VPS13D: variants seen among roughly 807,000 people sequenced by gnomAD.
VPS13D encodes vacuolar protein sorting 13 homolog D.
VPS13D carries 187 observed loss-of-function variants against 461.9 expected under a neutral mutation model. The observed-to-expected ratio is 0.40, with a 90% CI of 0.36 to 0.46. The LOEUF (loss-of-function observed/expected upper bound fraction) is 0.46, where lower values mean the gene tolerates loss of function less well. Among genes scored for constraint, VPS13D ranks in the 20% least tolerant of loss-of-function variants. VPS13D has a pLI of 0.60. For missense variants in VPS13D, 4,711 were observed against 5,364.9 expected (o/e 0.88, Z 3.81); for synonymous variants, 1,951 against 1,986.3 (o/e 0.98, Z 0.47).
At chr1:12,487,610 C>CA (rs765536608) in intron 67 of VPS13D, among the ~76,000 whole-genome samples, 1,669 of 89,656 alleles carry the variant, frequency 0.019, 27 homozygotes, top group African/African-American at 0.055. Flanking sequence ...GATTCCATCT[C>CA]AAAAAAAAAA....
chr1:12,343,058 T>C lies in VPS13D; in HGVS notation c.8885+7T>C, dbSNP rs1432937447. ...GAGGAAAGTTAAGACACAGGTAAAG[T>C]ATGGTTTATTCTTTTCTTTAAAAAA... On this transcript the variant is annotated splice_region_variant and intron_variant, in intron 42 of 69. Coordinates refer to ENST00000620676, the MANE Select transcript of VPS13D (RefSeq NM_015378.4). 3 of 1,606,646 alleles carry C rather than the reference T, an allele frequency of 1.9e-6. 1 individual carries two copies. Among genetic ancestry groups the C allele is most frequent in the Non-Finnish European group, 1.7e-6 (2 of 1,174,668 alleles).
At chr1:12,382,952 T>C in intron 57 of VPS13D, 24 bp from the exon 58 acceptor site, 1 of 1,595,138 alleles carries the variant, frequency 6.3e-7, no homozygotes, top group East Asian at 2.2e-5. Context: ...TTTTCTCACA[T>C]GTCTCTACTC....
chr1:12,457,866 G>C (rs1240138587), intron 66 of VPS13D, among the ~76,000 whole-genome samples: 1 of 152,216 alleles, frequency 6.6e-6, no homozygotes, highest in East Asian at 1.9e-4. Context: ...AAAGTTGACT[G>C]TTGGGCAATC....
chr1:12,272,867 T>C (rs1641494002), intron 17 of VPS13D, 136 bp from the exon 18 acceptor site: 1 of 1,261,926 alleles, frequency 7.9e-7, no homozygotes. Context: ...ACTTTTGTCT[T>C]AGACTTTTTG....
At chr1:12,427,695 G>A (rs1206574307) in intron 65 of VPS13D, among the ~76,000 whole-genome samples, 4 of 152,160 alleles carry the variant, frequency 2.6e-5, no homozygotes, top group Non-Finnish European at 4.4e-5. Flanking sequence ...GGACTTCAGC[G>A]TCTGTGGATG....
At chr1:12,453,602 T>C (rs939976195) in intron 65 of VPS13D, among the ~76,000 whole-genome samples, 6 of 152,178 alleles carry the variant, frequency 3.9e-5, no homozygotes, top group Non-Finnish European at 8.8e-5. Context: ...ATTCTAAACA[T>C]AGCAGGCACT....
At chr1:12,307,240 AT>A (rs1428885029) in intron 26 of VPS13D, among the ~76,000 whole-genome samples, 1 of 152,242 alleles carries the variant, frequency 6.6e-6, no homozygotes, top group Admixed American at 6.5e-5. Context: ...GCATTTAAAT[AT>A]TGATAGATTA....
chr1:12,390,036 C>G (rs906498251), intron 60 of VPS13D, among the ~76,000 whole-genome samples: 18 of 152,224 alleles, frequency 1.2e-4, no homozygotes, highest in African/African-American at 4.3e-4. Context: ...CCAAAGTGTC[C>G]AGGTGGTAAT....
intron 50 of VPS13D, among the ~76,000 whole-genome samples, chr1:12,360,250 C>T (rs779720927): frequency 1.6e-4 from 24 of 152,238 alleles, no homozygotes; most frequent in Non-Finnish European, 2.5e-4. Context: ...GAACTTTTGC[C>T]GTATATTCCC....
rs368047009 is a variant in VPS13D at position 12,256,260 on chromosome 1, C to T, written c.670-73C>T. On this transcript the variant is annotated intron_variant, in intron 7 of 69. Coordinates refer to ENST00000620676, the MANE Select transcript of VPS13D (RefSeq NM_015378.4). ...TGAGCTCCACTGTTTGTCATAAAAC[C>T]CCAACATTGTAAAAGAGTGACTACC... 50 of 1,530,254 alleles carry T rather than the reference C, an allele frequency of 3.3e-5. 2 individuals are homozygous for T. In the Admixed American group the frequency reaches 6.6e-4, roughly 20 times the overall value. 94.8% of individuals were successfully genotyped at this position (1,530,254 alleles called of 1,614,324 possible). A position where few individuals can be genotyped will look rare whatever the true frequency, so the allele number is the denominator to read the frequency against.
intron 63 of VPS13D, among the ~76,000 whole-genome samples, chr1:12,413,174 T>G (rs1644750837): frequency 6.7e-6 from 1 of 150,226 alleles, no homozygotes; most frequent in Non-Finnish European, 1.5e-5. Flanking sequence ...TGTTTTTTTG[T>G]TTGTTTGTTT....
intron 60 of VPS13D, among the ~76,000 whole-genome samples, chr1:12,394,482 G>A (rs995286263): frequency 6.6e-5 from 10 of 152,134 alleles, no homozygotes; most frequent in Admixed American, 6.5e-5. Flanking sequence ...CTGCCACCTC[G>A]GGATCCAGTT....
intron 66 of VPS13D, among the ~76,000 whole-genome samples, chr1:12,456,696 G>A (rs965809717): frequency 2.0e-5 from 3 of 150,410 alleles, no homozygotes; most frequent in East Asian, 1.9e-4. Context: ...CTGTGTTGGC[G>A]TACCTGATAG....
intron 3 of VPS13D, 39 bp downstream of exon 3, chr1:12,242,629 T>TCAAG: frequency 1.9e-6 from 3 of 1,565,512 alleles, no homozygotes; most frequent in Non-Finnish European, 2.6e-6. Flanking sequence ...ATTTGAGTCT[T>TCAAG]AAATTGTTTG....
chr1:12,468,964 G>A (rs1459555634), intron 67 of VPS13D, among the ~76,000 whole-genome samples: 1 of 151,842 alleles, frequency 6.6e-6, no homozygotes. Context: ...AGCCCAGGAG[G>A]TCAAGGCTGC....
chr1:12,367,140 CG>C, intron 52 of VPS13D, among the ~76,000 whole-genome samples: 1 of 152,222 alleles, frequency 6.6e-6, no homozygotes, highest in Middle Eastern at 3.4e-3. Flanking sequence ...AGAGTAGTCC[CG>C]CTTTGCCCAT....
chr1:12,455,833 C>T (rs1645318786), intron 65 of VPS13D, among the ~76,000 whole-genome samples, 165 bp from the exon 66 acceptor site: 1 of 152,126 alleles, frequency 6.6e-6, no homozygotes, highest in African/African-American at 2.4e-5. Flanking sequence ...GCAGGAGAAT[C>T]ACTTGAGCCT....
At chr1:12,469,030 G>A (rs1187617792) in intron 67 of VPS13D, among the ~76,000 whole-genome samples, 21 of 148,844 alleles carry the variant, frequency 1.4e-4, no homozygotes, top group Admixed American at 1.4e-3. Flanking sequence ...GTGAAACCCT[G>A]TCTCAAAGAA....
At chr1:12,270,854 A>G (rs1419995242) in intron 16 of VPS13D, 140 bp from the exon 17 acceptor site, 15 of 1,108,578 alleles carry the variant, frequency 1.4e-5, no homozygotes, top group Non-Finnish European at 1.9e-5. Flanking sequence ...TGCTGGGATT[A>G]CGAGTGTGAG....
Sources: gnomAD v4.1 joint callset for allele counts (sites outside exome capture counted in the v4.1 genomes callset) on GRCh38, gnomAD v4.1.1 for gene constraint, MANE v1.5 for transcripts, NCBI Gene and HGNC (gene_info 2026-07-23, HGNC 2026-07-21) for gene names.